The following FER variants were observed in gnomAD, a reference collection of about 807,000 sequenced individuals.
FER encodes tyrosine-protein kinase Fer.
A neutral mutation model predicts 111.0 loss-of-function variants in FER; 63 were observed. The ratio of observed to expected loss-of-function variants is 0.57; its 90% CI spans 0.46 to 0.70. The LOEUF is 0.70. Ranked by LOEUF, FER falls within the 30% of genes least tolerant of loss-of-function variation. FER has a pLI of 0.00. For missense variants in FER, 914 were observed against 954.0 expected, an observed-to-expected ratio of 0.96 and a Z score of 0.55; for synonymous variants, 327 against 313.9, an observed-to-expected ratio of 1.04 and a Z score of -0.44.
At position 108,807,168 on chromosome 5, in the gene FER, C is replaced by T. The variant is rs1757292715; in HGVS notation, c.207+8779C>T. 3.3e-5 allele frequency among the ~76,000 whole-genome samples: 5 copies of T among 152,150 alleles called. No individual in the cohort carries two copies. In the South Asian group the frequency reaches 1.0e-3, roughly 32 times the overall value. On this transcript the variant is annotated intron_variant, in intron 3 of 19. Transcript: ENST00000281092. ...TTTTCCTGCACTAGCTCTCTTTTTG[C>T]TTGCCGCCATCCATGTAAGATGTGA...
intron 8 of FER, among the ~76,000 whole-genome samples, chr5:108,881,002 G>T (rs1179133454): frequency 6.6e-6 from 1 of 151,952 alleles, no homozygotes; most frequent in African/African-American, 2.4e-5. Flanking sequence ...TGTTATAAGA[G>T]ATTCAAACAA....
At chr5:108,927,892 CAGA>C (rs1394556277) in intron 10 of FER, among the ~76,000 whole-genome samples, 2 of 152,174 alleles carry the variant, frequency 1.3e-5, no homozygotes, top group Admixed American at 6.5e-5. Flanking sequence ...CTAAGAAAGA[CAGA>C]AGAAGGCTCT....
chr5:109,131,761 C>A (rs1752381975), intron 17 of FER, among the ~76,000 whole-genome samples: 2 of 152,044 alleles, frequency 1.3e-5, no homozygotes. Flanking sequence ...TTGCTAAGAA[C>A]AGAAAATAAT....
intron 17 of FER, among the ~76,000 whole-genome samples, chr5:109,137,184 G>A (rs1219665500): frequency 2.0e-5 from 3 of 152,152 alleles, no homozygotes; most frequent in Middle Eastern, 3.4e-3. Context: ...TCCAACCTAG[G>A]GTAAGTCATG....
chr5:108,920,639 G>A (rs1027662642), intron 10 of FER, among the ~76,000 whole-genome samples: 2 of 152,148 alleles, frequency 1.3e-5, no homozygotes, highest in South Asian at 4.1e-4. Flanking sequence ...TTCCAAATCT[G>A]ACCTCTTGAT....
Position 108,954,792 on chromosome 5 carries a change from A to C in FER, c.1393A>C (p.Ile465Leu). The change falls in exon 12 of 20, where the codon ATT (isoleucine) becomes CTT (leucine). Residue 465 changes from isoleucine (I) to leucine (L), a missense_variant. Around this residue, in one of 3 missense-constraint regions of FER, gnomAD observed 774 missense variants for 782.6 expected, o/e 0.99. Coordinates refer to ENST00000281092, the MANE Select transcript of FER (RefSeq NM_005246.4). ...AGAACAGGACTGGTACCATGGTGCA[A>C]TTCCCAGAATAGAAGCTCAAGAACT... ...LAEQDWYHGA[I>L]PRIEAQELLK... 1 of 1,612,328 alleles carries C rather than the reference A, an allele frequency of 6.2e-7. No homozygotes were observed. The highest frequency in any genetic ancestry group is 8.5e-7 in the Non-Finnish European group (1 of 1,179,060).
chr5:109,080,498 G>A (rs955818702), intron 16 of FER, among the ~76,000 whole-genome samples: 3 of 152,088 alleles, frequency 2.0e-5, no homozygotes, highest in Non-Finnish European at 4.4e-5. Context: ...TTGATTTTCA[G>A]GTATCGGTGA....
intron 14 of FER, among the ~76,000 whole-genome samples, chr5:109,038,372 G>A (rs1770686329): frequency 6.6e-6 from 1 of 151,886 alleles, no homozygotes; most frequent in Non-Finnish European, 1.5e-5. Flanking sequence ...TTAAGGCTCA[G>A]CATTTTAGAT....
At chr5:108,843,889 A>G (rs1032841852) in intron 5 of FER, among the ~76,000 whole-genome samples, 5 of 152,174 alleles carry the variant, frequency 3.3e-5, no homozygotes, top group Non-Finnish European at 5.9e-5. Flanking sequence ...AAGCCCGTAG[A>G]AAAGTTGAAA....
chr5:108,860,134 G>C (rs1202147326), intron 5 of FER, among the ~76,000 whole-genome samples: 2 of 151,736 alleles, frequency 1.3e-5, no homozygotes, highest in African/African-American at 4.8e-5. Context: ...AGAGAGACAG[G>C]GTTTCACCAT....
At chr5:109,092,366 T>C (rs1746918615) in intron 16 of FER, among the ~76,000 whole-genome samples, 1 of 138,710 alleles carries the variant, frequency 7.2e-6, no homozygotes, top group Non-Finnish European at 1.5e-5. Context: ...AAACCACATA[T>C]CTGATAAAGG....
At chr5:108,812,333 C>T (rs1015741571) in intron 3 of FER, among the ~76,000 whole-genome samples, 24 of 152,272 alleles carry the variant, frequency 1.6e-4, no homozygotes, top group African/African-American at 5.5e-4. Flanking sequence ...GAGAAATTAA[C>T]TTAACTCTGG....
At chr5:109,015,183 T>C (rs943176086) in intron 13 of FER, among the ~76,000 whole-genome samples, 3 of 152,100 alleles carry the variant, frequency 2.0e-5, no homozygotes, top group Non-Finnish European at 4.4e-5. Context: ...TATGGCTTTT[T>C]TATTAAAGCA....
rs149980993 is a variant in FER at position 108,881,689 on chromosome 5, A to G, written c.924-1707A>G. 1.2e-3 allele frequency among the ~76,000 whole-genome samples: 181 copies of G among 152,184 alleles called. 1 individual carries two copies. Among genetic ancestry groups the G allele is most frequent in the African/African-American group, 4.2e-3 (173 of 41,534 alleles). ...CTCTTTTCCTGACTTGTAGATAGGT[A>G]ATTCTTGCTGTGTCCTCAGATGACC... On this transcript the variant is annotated intron_variant, in intron 8 of 19. Transcript: ENST00000281092.
intron 2 of FER, among the ~76,000 whole-genome samples, chr5:108,786,162 C>T (rs1754694815): frequency 6.6e-6 from 1 of 152,214 alleles, no homozygotes. Flanking sequence ...ATCCTCTATG[C>T]CTGGACTTAA....
intron 8 of FER, among the ~76,000 whole-genome samples, chr5:108,882,943 T>A (rs543699308): frequency 6.6e-6 from 1 of 151,890 alleles, no homozygotes; most frequent in African/African-American, 2.4e-5. Flanking sequence ...GAATTTAAAA[T>A]GACAAATAAC....
intron 16 of FER, chr5:109,051,601 T>C: frequency 6.2e-7 from 1 of 1,605,024 alleles, no homozygotes; most frequent in Non-Finnish European, 8.5e-7. Flanking sequence ...ATTAACCAGC[T>C]TGTACCCAGG....
intron 17 of FER, 93 bp downstream of exon 17, chr5:109,100,612 T>C (rs1280473137): frequency 1.6e-6 from 2 of 1,255,766 alleles, no homozygotes; most frequent in African/African-American, 1.5e-5. Flanking sequence ...TTTTCTTTCA[T>C]GAAACATGTC....
chr5:109,119,278 T>C (rs1415911409), intron 17 of FER, among the ~76,000 whole-genome samples: 1 of 152,226 alleles, frequency 6.6e-6, no homozygotes, highest in African/African-American at 2.4e-5. Context: ...CCAGTAGTCA[T>C]TCAGGAGCAG....
Sources: allele counts gnomAD v4.1 joint callset (sites outside exome capture counted in the v4.1 genomes callset), GRCh38; gene constraint gnomAD v4.1.1; regional missense constraint gnomAD v4.1.1; transcripts MANE v1.5; gene names NCBI Gene and HGNC (gene_info 2026-07-23, HGNC 2026-07-21).